Variants in RORB observed in about 807,000 individuals in gnomAD.
RORB encodes the protein nuclear receptor ROR-beta.
RORB carries 6 observed loss-of-function variants against 59.1 expected under a neutral mutation model. That is an observed-to-expected ratio of 0.10 (90% CI 0.06 to 0.20). The LOEUF (loss-of-function observed/expected upper bound fraction) is 0.20, where lower values mean the gene tolerates loss of function less well. RORB is among the 10% of genes least tolerant of loss of function. The pLI is 1.00. For synonymous variants in RORB, 215 were observed against 204.5 expected, an observed-to-expected ratio of 1.05 and a Z score of -0.44; for missense variants, 320 against 560.5, an observed-to-expected ratio of 0.57 and a Z score of 4.33.
At chr9:74,663,564 C>G (rs1824223097) in intron 6 of RORB, among the ~76,000 whole-genome samples, 1 of 152,216 alleles carries the variant, frequency 6.6e-6, no homozygotes, top group Non-Finnish European at 1.5e-5. Context: ...ATCTAAACCA[C>G]TGCAAAATTT....
At chr9:74,655,828 G>C (rs535835663) in intron 4 of RORB, among the ~76,000 whole-genome samples, 5 of 152,154 alleles carry the variant, frequency 3.3e-5, no homozygotes, top group Non-Finnish European at 5.9e-5. Context: ...TAGCTGTACC[G>C]CGTCTTGTAA....
intron 1 of RORB, among the ~76,000 whole-genome samples, chr9:74,552,745 TA>T (rs551229827): frequency 1.3e-5 from 2 of 152,032 alleles, no homozygotes; most frequent in Non-Finnish European, 2.9e-5. Context: ...GCTCTCAGTA[TA>T]AGGCGGTCAA....
intron 2 of RORB, among the ~76,000 whole-genome samples, chr9:74,631,802 C>T (rs911990606): frequency 2.0e-5 from 3 of 152,078 alleles, no homozygotes; most frequent in African/African-American, 7.2e-5. Context: ...TCCATGTTGT[C>T]CACTTTAATG....
At chr9:74,632,433 G>A (rs927205760) in intron 2 of RORB, among the ~76,000 whole-genome samples, 1 of 152,126 alleles carries the variant, frequency 6.6e-6, no homozygotes, top group Non-Finnish European at 1.5e-5. Context: ...GCCAATGTCA[G>A]CACATTCAGT....
chr9:74,530,547 TGATC>T (rs1385039845), intron 1 of RORB, among the ~76,000 whole-genome samples: 3 of 151,994 alleles, frequency 2.0e-5, no homozygotes, highest in Non-Finnish European at 2.9e-5. Flanking sequence ...CAAAAGGAAC[TGATC>T]TGCAAATCAG....
At chr9:74,554,160 G>A (rs1469003109) in intron 1 of RORB, among the ~76,000 whole-genome samples, 1 of 152,166 alleles carries the variant, frequency 6.6e-6, no homozygotes, top group Non-Finnish European at 1.5e-5. Flanking sequence ...CCAAACTCTT[G>A]ATTGCACAGG....
At chr9:74,510,159 A>T (rs535414345) in intron 1 of RORB, among the ~76,000 whole-genome samples, 1 of 152,094 alleles carries the variant, frequency 6.6e-6, no homozygotes, top group South Asian at 2.1e-4. Flanking sequence ...ACTCCAATTG[A>T]TCGTATTATA....
intron 9 of RORB, among the ~76,000 whole-genome samples, chr9:74,672,154 A>C (rs1009543108): frequency 6.6e-6 from 1 of 152,212 alleles, no homozygotes; most frequent in Non-Finnish European, 1.5e-5. Flanking sequence ...AATGAAACCA[A>C]GGGTGTTTCA....
At chr9:74,584,822 A>G (rs1289270272) in intron 1 of RORB, among the ~76,000 whole-genome samples, 1 of 152,234 alleles carries the variant, frequency 6.6e-6, no homozygotes, top group Non-Finnish European at 1.5e-5. Flanking sequence ...GAGCCACAGA[A>G]TGAGTCTGGG....
chr9:74,550,562 C>G (rs1826591663), intron 1 of RORB, among the ~76,000 whole-genome samples: 1 of 152,226 alleles, frequency 6.6e-6, no homozygotes, highest in South Asian at 2.1e-4. Context: ...GCAAGTTTCT[C>G]TTAATTGGCC....
chr9:74,669,995 A>G (rs1439499279), intron 8 of RORB, among the ~76,000 whole-genome samples: 1 of 152,028 alleles, frequency 6.6e-6, no homozygotes, highest in Non-Finnish European at 1.5e-5. Context: ...AAAAATGGAA[A>G]TTAGTTATCA....
intron 1 of RORB, among the ~76,000 whole-genome samples, chr9:74,586,286 C>A (rs768433814): frequency 7.2e-5 from 11 of 152,002 alleles, no homozygotes; most frequent in Non-Finnish European, 1.3e-4. Flanking sequence ...TCACTTGAGT[C>A]CAGGAGTTCA....
chr9:74,659,538 G>A (rs539229470), intron 4 of RORB, among the ~76,000 whole-genome samples: 38 of 152,086 alleles, frequency 2.5e-4, no homozygotes, highest in African/African-American at 8.2e-4. Context: ...ATGGAGTCTC[G>A]CTCTGTCGCC....
Position 74,685,868 on chromosome 9 carries a change from T to C in RORB, c.*250T>C. 1 of 274,772 alleles carries C rather than the reference T, an allele frequency of 3.6e-6. No homozygotes were observed. Among genetic ancestry groups the C allele is most frequent in the Middle Eastern group, 1.0e-3 (1 of 972 alleles). 17.0% of individuals were successfully genotyped at this position (274,772 alleles called of 1,614,324 possible). A position where few individuals can be genotyped will look rare whatever the true frequency, so the allele number is the denominator to read the frequency against. ...ATAGGACACTGGGTGTTATCCTTTTTTTAATTTTATTCGGGTATGTTTTGG... is the reference window on the plus strand; with the variant it reads ...ATAGGACACTGGGTGTTATCCTTTTCTTAATTTTATTCGGGTATGTTTTGG... On this transcript the variant is annotated 3_prime_UTR_variant, in exon 10 of 10. Coordinates refer to ENST00000376896, the MANE Select transcript of RORB (RefSeq NM_006914.4).
rs946510535 is a variant in RORB at position 74,497,794 on chromosome 9, T to C, written c.-183T>C. 10 of 619,736 alleles carry C rather than the reference T, an allele frequency of 1.6e-5. No individual in the cohort carries two copies. Among genetic ancestry groups the C allele is most frequent in the Admixed American group, 1.1e-4 (4 of 36,846 alleles). The allele number at this position is 619,736 out of a possible 1,614,324, so 38.4% of individuals were successfully genotyped here. A position where few individuals can be genotyped will look rare whatever the true frequency, so the allele number is the denominator to read the frequency against. On this transcript the variant is annotated 5_prime_UTR_variant, in exon 1 of 10. Transcript: ENST00000376896. ...ACCACCAACATCAAAACTGTTAACA[T>C]AGCGGCGGCGGCGGCAAACGTCACC...
chr9:74,643,937 C>T (rs1207603847), intron 4 of RORB, among the ~76,000 whole-genome samples: 1 of 152,220 alleles, frequency 6.6e-6, no homozygotes, highest in Non-Finnish European at 1.5e-5. Flanking sequence ...GCTTGTAGCT[C>T]ACAGGGACAT....
chr9:74,649,141 G>T (rs1415918474), intron 4 of RORB, among the ~76,000 whole-genome samples: 2 of 151,876 alleles, frequency 1.3e-5, no homozygotes, highest in African/African-American at 4.8e-5. Flanking sequence ...GTAGAGACAG[G>T]GTTTCACCAT....
chr9:74,655,569 C>T (rs901371678), intron 4 of RORB, among the ~76,000 whole-genome samples: 1 of 152,186 alleles, frequency 6.6e-6, no homozygotes, highest in Non-Finnish European at 1.5e-5. Flanking sequence ...TGGTTGGTCC[C>T]TAGAGAGGAC....
chr9:74,591,870 A>T (rs927960653), intron 1 of RORB, among the ~76,000 whole-genome samples: 3 of 151,984 alleles, frequency 2.0e-5, no homozygotes, highest in African/African-American at 4.8e-5. Context: ...TAAAGTTTAG[A>T]ATGCTACTGA....
Sources: gnomAD v4.1 joint callset for allele counts (sites outside exome capture counted in the v4.1 genomes callset) on GRCh38, gnomAD v4.1.1 for gene constraint, MANE v1.5 for transcripts, NCBI Gene and HGNC (gene_info 2026-07-23, HGNC 2026-07-21) for gene names.